The following ASIC2 variants were observed in gnomAD, a reference collection of about 807,000 sequenced individuals.
ASIC2 encodes the protein acid sensing ion channel subunit 2, also known as acid-sensing ion channel 2.
A neutral mutation model predicts 57.3 loss-of-function variants in ASIC2; 25 were observed. The ratio of observed to expected loss-of-function variants is 0.44; its 90% CI spans 0.32 to 0.61. The LOEUF (loss-of-function observed/expected upper bound fraction) is 0.61, where lower values mean the gene tolerates loss of function less well. ASIC2 is among the 20% of genes least tolerant of loss of function. The probability of loss-of-function intolerance (pLI) is 0.06; values close to 1 mark genes in which losing one functional copy is unlikely to be tolerated. For missense variants in ASIC2, 641 were observed against 738.1 expected, an observed-to-expected ratio of 0.87 and a Z score of 1.52; for synonymous variants, 319 against 307.5, an observed-to-expected ratio of 1.04 and a Z score of -0.39.
chr17:33,666,386 G>A (rs2142048532), intron 1 of ASIC2, among the ~76,000 whole-genome samples: 1 of 152,292 alleles, frequency 6.6e-6, no homozygotes, highest in South Asian at 2.1e-4. Flanking sequence ...TTAGGTTGGG[G>A]TCACAGTGCA....
rs71144888 is a variant in ASIC2, at chr17:33,554,358, A to ATGTGTG, written c.556-442297_556-442292dup. ...AGACTATTTTAGCATCACTGCTTAT[A>ATGTGTG]TGTGTGTGTGTGTGTGTGTGTGTGT... On this transcript the variant is annotated intron_variant, in intron 1 of 9. Coordinates refer to the ASIC2 transcript ENST00000359872. Among the ~76,000 whole-genome samples the ATGTGTG allele has an allele frequency of 1.1e-3, 164 of 150,254 alleles. 1 individual carries two copies. Among genetic ancestry groups the ATGTGTG allele is most frequent in the African/African-American group, 3.8e-3 (157 of 41,084 alleles).
At chr17:33,103,749 C>T (rs767652852) in intron 2 of ASIC2, among the ~76,000 whole-genome samples, 9 of 152,092 alleles carry the variant, frequency 5.9e-5, no homozygotes, top group African/African-American at 2.2e-4. Flanking sequence ...GCTGAGGGTC[C>T]CACTACTCAG....
At chr17:33,099,539 A>T (rs941649942) in intron 2 of ASIC2, among the ~76,000 whole-genome samples, 1 of 152,196 alleles carries the variant, frequency 6.6e-6, no homozygotes, top group African/African-American at 2.4e-5. Flanking sequence ...ATATTTGCAA[A>T]ATATGTATTT....
chr17:33,049,485 T>G (rs1386644081), intron 3 of ASIC2, among the ~76,000 whole-genome samples: 2 of 152,202 alleles, frequency 1.3e-5, no homozygotes, highest in African/African-American at 2.4e-5. Context: ...TAATTAGTAG[T>G]GTTTTTCTTT....
At chr17:33,669,718 A>G (rs755818592) in intron 1 of ASIC2, among the ~76,000 whole-genome samples, 8 of 152,214 alleles carry the variant, frequency 5.3e-5, no homozygotes, top group Non-Finnish European at 8.8e-5. Flanking sequence ...TGAAAACATT[A>G]AACAAATGCA....
chr17:33,329,784 C>G (rs1907230495), intron 1 of ASIC2, among the ~76,000 whole-genome samples: 1 of 152,016 alleles, frequency 6.6e-6, no homozygotes, highest in Admixed American at 6.6e-5. Context: ...GTCATTATTG[C>G]CATGAATGTT....
intron 1 of ASIC2, among the ~76,000 whole-genome samples, chr17:33,999,176 C>T (rs11869985): frequency 0.11 from 16,621 of 152,110 alleles, 1,300 homozygotes; most frequent in East Asian, 0.34. Flanking sequence ...ATAAGCAGAG[C>T]TACTCCTGCT....
At chr17:33,362,870 G>C (rs1195963734) in intron 1 of ASIC2, among the ~76,000 whole-genome samples, 1 of 152,160 alleles carries the variant, frequency 6.6e-6, no homozygotes, top group Non-Finnish European at 1.5e-5. Context: ...TGGAGAAAAT[G>C]GTTTGATTCT....
chr17:33,820,502 TATC>T (rs1912711087), intron 1 of ASIC2, among the ~76,000 whole-genome samples: 1 of 152,198 alleles, frequency 6.6e-6, no homozygotes, highest in Admixed American at 6.5e-5. Flanking sequence ...TGAAAAGAAA[TATC>T]ATGATGGGCA....
At chr17:34,075,745 C>T (rs1235082607) in intron 1 of ASIC2, among the ~76,000 whole-genome samples, 1 of 151,956 alleles carries the variant, frequency 6.6e-6, no homozygotes, top group Non-Finnish European at 1.5e-5. Context: ...TCCTTAGAGC[C>T]TTTGCACCGG....
At chr17:33,672,644 T>A (rs1304887698) in intron 1 of ASIC2, among the ~76,000 whole-genome samples, 1 of 152,202 alleles carries the variant, frequency 6.6e-6, no homozygotes, top group Non-Finnish European at 1.5e-5. Flanking sequence ...TTTTTAAGTG[T>A]CCCAAGAGAT....
chr17:33,896,766 AC>A (rs767476545), intron 1 of ASIC2, among the ~76,000 whole-genome samples: 2 of 152,328 alleles, frequency 1.3e-5, no homozygotes, highest in African/African-American at 4.8e-5. Context: ...GAAACAGTTT[AC>A]CCCATAGATT....
chr17:34,141,444 G>A (rs547170453), intron 1 of ASIC2, among the ~76,000 whole-genome samples: 12 of 152,250 alleles, frequency 7.9e-5, no homozygotes, highest in Admixed American at 2.0e-4. Context: ...AATTTTCAGA[G>A]CCTACCATGT....
chr17:33,676,530 A>T (rs1779393315), intron 1 of ASIC2, among the ~76,000 whole-genome samples: 1 of 152,262 alleles, frequency 6.6e-6, no homozygotes, highest in Admixed American at 6.5e-5. Flanking sequence ...TAGAAGATCA[A>T]ACATGCCCAA....
chr17:34,057,592 G>A (rs575976268), intron 1 of ASIC2, among the ~76,000 whole-genome samples: 161 of 152,214 alleles, frequency 1.1e-3, no homozygotes, highest in South Asian at 3.1e-3. Flanking sequence ...CTGCAGGAGG[G>A]GAGGAAATAC....
intron 1 of ASIC2, among the ~76,000 whole-genome samples, chr17:33,991,613 G>A (rs1187317697): frequency 6.6e-6 from 1 of 152,152 alleles, no homozygotes; most frequent in Non-Finnish European, 1.5e-5. Flanking sequence ...TCAACCAGCA[G>A]GAAGAATTCC....
intron 1 of ASIC2, among the ~76,000 whole-genome samples, chr17:33,305,234 T>C (rs1438186037): frequency 6.6e-6 from 1 of 152,204 alleles, no homozygotes; most frequent in African/African-American, 2.4e-5. Flanking sequence ...AAATGGTTTA[T>C]TTCAGATTAA....
chr17:33,961,851 C>A (rs570279256), intron 1 of ASIC2, among the ~76,000 whole-genome samples: 1 of 152,178 alleles, frequency 6.6e-6, no homozygotes, highest in South Asian at 2.1e-4. Context: ...TGCTTTCCAA[C>A]CTCCATCTCC....
At chr17:33,802,664 A>G (rs1482996943) in intron 1 of ASIC2, among the ~76,000 whole-genome samples, 2 of 152,344 alleles carry the variant, frequency 1.3e-5, no homozygotes, top group South Asian at 4.1e-4. Flanking sequence ...CTGGTTTTAA[A>G]CAGTAACTGC....
Sources: gnomAD v4.1 joint callset for allele counts (sites outside exome capture counted in the v4.1 genomes callset) on GRCh38, gnomAD v4.1.1 for gene constraint, MANE v1.5 for transcripts, NCBI Gene and HGNC (gene_info 2026-07-23, HGNC 2026-07-21) for gene names.